ZNF536: variants seen among roughly 807,000 people sequenced by gnomAD.
ZNF536 encodes the protein zinc finger protein 536.
Under a neutral mutation model 84.5 loss-of-function variants are expected in ZNF536, and 13 were observed. That is an observed-to-expected ratio of 0.15 (90% confidence interval 0.10 to 0.24). The LOEUF (loss-of-function observed/expected upper bound fraction) is 0.24, where lower values mean the gene tolerates loss of function less well. Ranked by LOEUF, ZNF536 falls within the 10% of genes least tolerant of loss-of-function variation. The probability of loss-of-function intolerance (pLI) is 1.00; values close to 1 mark genes in which losing one functional copy is unlikely to be tolerated. For missense variants in ZNF536, 1,536 were observed against 1,747.5 expected (o/e 0.88, Z 2.16); for synonymous variants, 811 against 742.5 (o/e 1.09, Z -1.50).
intron 1 of ZNF536, among the ~76,000 whole-genome samples, chr19:30,281,244 C>G (rs1322234408): frequency 6.6e-6 from 1 of 152,198 alleles, no homozygotes; most frequent in Non-Finnish European, 1.5e-5. Flanking sequence ...TCCCCAGCAG[C>G]CTGCATCCCT....
intron 1 of ZNF536, among the ~76,000 whole-genome samples, chr19:30,277,964 T>G (rs1199774449): frequency 6.6e-6 from 1 of 152,182 alleles, no homozygotes; most frequent in African/African-American, 2.4e-5. Context: ...GGCGGTGCTG[T>G]CTTCAGCAGA....
intron 2 of ZNF536, among the ~76,000 whole-genome samples, chr19:30,495,187 A>G (rs1332245574): frequency 6.6e-6 from 1 of 152,138 alleles, no homozygotes; most frequent in Non-Finnish European, 1.5e-5. Context: ...CCCATTTGTG[A>G]TGCCTCCTCA....
chr19:30,228,201 C>T (rs1228072296), upstream of ZNF536: 1 of 152,122 alleles, frequency 6.6e-6, no homozygotes, highest in African/African-American at 2.4e-5. The surrounding 1 kb of genome is among the most constrained non-coding windows in gnomAD (Gnocchi z 4.5). Flanking sequence ...CTTTTCCCAT[C>T]ACTCACATCT....
chr19:30,680,692 GA>G (rs1455663644), intron 1 of ZNF536, among the ~76,000 whole-genome samples: 1 of 152,098 alleles, frequency 6.6e-6, no homozygotes, highest in Admixed American at 6.5e-5. Context: ...TTGTTATTGT[GA>G]ATAGTGCCGC....
chr19:30,680,110 A>G (rs896594586), intron 1 of ZNF536, among the ~76,000 whole-genome samples: 10 of 152,122 alleles, frequency 6.6e-5, no homozygotes, highest in Non-Finnish European at 1.2e-4. Context: ...CTGGGTCTGG[A>G]GGCCGGAGAT....
At chr19:30,328,532 A>G (rs936973452) in intron 2 of ZNF536, among the ~76,000 whole-genome samples, 14 of 152,254 alleles carry the variant, frequency 9.2e-5, no homozygotes, top group Non-Finnish European at 1.9e-4. Context: ...TGCGTATTCA[A>G]TAAATGGTGA....
intron 1 of ZNF536, among the ~76,000 whole-genome samples, chr19:30,631,083 G>A (rs1272979370): frequency 6.6e-6 from 1 of 152,170 alleles, no homozygotes; most frequent in African/African-American, 2.4e-5. Flanking sequence ...CTCCTGGAGC[G>A]GAGGCTGGGC....
At chr19:30,375,045 T>G (rs1320245846) in intron 1 of ZNF536, among the ~76,000 whole-genome samples, 1 of 151,634 alleles carries the variant, frequency 6.6e-6, no homozygotes, top group Non-Finnish European at 1.5e-5. Flanking sequence ...AAATGGGACA[T>G]GATGGCATTA....
intron 2 of ZNF536, among the ~76,000 whole-genome samples, chr19:30,315,288 C>G (rs1048829700): frequency 4.6e-5 from 7 of 152,134 alleles, no homozygotes; most frequent in Non-Finnish European, 5.9e-5. Flanking sequence ...TGGGTCATAA[C>G]AGTTTATAGG....
chr19:30,634,502 G>A (rs1432487290), intron 1 of ZNF536, among the ~76,000 whole-genome samples: 1 of 152,040 alleles, frequency 6.6e-6, no homozygotes, highest in Admixed American at 6.6e-5. Flanking sequence ...AAAAAAGGAG[G>A]GAGTGCTTCC....
chr19:30,248,847 C>T (rs540268714), intron 1 of ZNF536, among the ~76,000 whole-genome samples: 5 of 152,030 alleles, frequency 3.3e-5, no homozygotes, highest in Non-Finnish European at 7.4e-5. Context: ...CTACTCCTTC[C>T]TTTTGTCTTT....
chr19:30,489,051 C>T (rs1295934231), intron 2 of ZNF536, among the ~76,000 whole-genome samples: 1 of 152,098 alleles, frequency 6.6e-6, no homozygotes, highest in Non-Finnish European at 1.5e-5. Flanking sequence ...GCAAGACCAG[C>T]CCCCTTGTGG....
At chr19:30,615,230 C>A (rs1331773385) in intron 1 of ZNF536, among the ~76,000 whole-genome samples, 1 of 150,444 alleles carries the variant, frequency 6.6e-6, no homozygotes, top group Non-Finnish European at 1.5e-5. Flanking sequence ...CAGGCGTGAG[C>A]CACCGCGCCC....
At chr19:30,419,674 T>C (rs757509389) in intron 1 of ZNF536, among the ~76,000 whole-genome samples, 3 of 152,176 alleles carry the variant, frequency 2.0e-5, no homozygotes, top group Non-Finnish European at 4.4e-5. Context: ...GAGAGCTGAA[T>C]GTGCAAATGG....
rs1185103448 is a variant in ZNF536, at chr19:30,548,105, C to T, written c.2486C>T (p.Ala829Val). 1 of 1,614,096 alleles carries T rather than the reference C, an allele frequency of 6.2e-7. No individual in the cohort carries two copies. The highest frequency in any genetic ancestry group is 1.1e-5 in the South Asian group (1 of 91,076). The part of the protein sequence containing the change: ...QDHKDEMSSK[A>V]SLFIRPDILR... ...CACAAGGATGAGATGTCAAGCAAAG[C>T]TTCTCTGTTCATCAGGCCAGACATC... The change falls in exon 4 of 5, where the codon GCT becomes GTT. Residue 829 changes from alanine to valine, a missense_variant. This residue lies in a region of ZNF536 where 624 missense variants were observed against 603.1 expected (regional missense o/e 1.03). Transcript: ENST00000355537.
chr19:30,622,494 C>T (rs919397681), intron 1 of ZNF536, among the ~76,000 whole-genome samples: 5 of 152,232 alleles, frequency 3.3e-5, no homozygotes, highest in Non-Finnish European at 7.3e-5. Context: ...ATGTGTTGTT[C>T]GAAAACCTAA....
intron 2 of ZNF536, among the ~76,000 whole-genome samples, chr19:30,330,288 A>G (rs1004996421): frequency 6.6e-6 from 1 of 152,226 alleles, no homozygotes; most frequent in Non-Finnish European, 1.5e-5. Context: ...TTGGTACTGT[A>G]AGCAACTTGG....
chr19:30,701,191 TCACACACACACA>T (rs56314262), intron 1 of ZNF536, among the ~76,000 whole-genome samples: 137 of 150,000 alleles, frequency 9.1e-4, no homozygotes, highest in South Asian at 2.5e-3. Flanking sequence ...TATCTCACTC[TCACACACACACA>T]CACACACACA....
intron 1 of ZNF536, among the ~76,000 whole-genome samples, chr19:30,623,020 G>GTTTTTTTTTTTTT (rs66483120): frequency 7.7e-6 from 1 of 129,540 alleles, no homozygotes. Flanking sequence ...AAAATCTTGT[G>GTTTTTTTTTTTTT]TTTTTTTTTT....
Sources: allele counts gnomAD v4.1 joint callset (sites outside exome capture counted in the v4.1 genomes callset), GRCh38; gene constraint gnomAD v4.1.1; regional missense constraint gnomAD v4.1.1; non-coding constraint Gnocchi (gnomAD v3.1); transcripts MANE v1.5; gene names NCBI Gene and HGNC (gene_info 2026-07-23, HGNC 2026-07-21).